GYG1: variants seen among roughly 807,000 people sequenced by gnomAD.
GYG1 encodes the protein glycogenin-1.
GYG1 carries 44 observed loss-of-function variants against 41.9 expected under a neutral mutation model. The ratio of observed to expected loss-of-function variants is 1.05; its 90% CI spans 0.83 to 1.35. The LOEUF is 1.35. GYG1 is among the 40% of genes most tolerant of loss of function. The probability of loss-of-function intolerance (pLI) is 0.00; values close to 1 mark genes in which losing one functional copy is unlikely to be tolerated. For synonymous variants in GYG1, 141 were observed against 158.1 expected (o/e 0.89, Z 0.81); for missense variants, 429 against 418.9 (o/e 1.02, Z -0.21).
In GYG1 at chr3:148,991,667, C is replaced by T. The variant is rs1354341652; in HGVS notation, c.7+20C>T. ...TGACAGGTACCGCCGCGCAGCCCGC[C>T]GCCGCCAGCCCCGGGACCCCGGCTT... On this transcript the variant is annotated intron_variant, in intron 1 of 7. Coordinates refer to ENST00000345003, the MANE Select transcript of GYG1 (RefSeq NM_004130.4). 6 of 1,518,826 alleles carry T rather than the reference C, an allele frequency of 4.0e-6. No individual in the cohort carries two copies. Among genetic ancestry groups the T allele is most frequent in the Non-Finnish European group, 5.3e-6 (6 of 1,138,666 alleles). The allele number at this position is 1,518,826 out of a possible 1,614,324, so 94.1% of individuals were successfully genotyped here. A position where few individuals can be genotyped will look rare whatever the true frequency, so the allele number is the denominator to read the frequency against.
At chr3:148,992,297 C>T (rs1278701480) in intron 1 of GYG1, 2 of 152,984 alleles carry the variant, frequency 1.3e-5, no homozygotes, top group Non-Finnish European at 2.9e-5. Context: ...AGCCCCAGCA[C>T]TGGGAAGCTC....
intron 2 of GYG1, among the ~76,000 whole-genome samples, 195 bp from the exon 3 acceptor site, chr3:148,996,107 C>T (rs1285053807): frequency 2.6e-5 from 4 of 152,122 alleles, no homozygotes; most frequent in South Asian, 2.1e-4. Flanking sequence ...ACTTTAGTGA[C>T]GTTAACTGGA....
Position 149,024,398 on chromosome 3 carries a change from A to G in GYG1, c.828+126A>G. On this transcript the variant is annotated intron_variant, in intron 6 of 7. Transcript: ENST00000345003. ...AGATAAATAAAATTTTGTGGAAAGA[A>G]AACAATAACCATCTTAGGAGAAACA... 3.0e-5 allele frequency: 21 copies of G among 705,486 alleles called. No homozygotes were observed. In the South Asian group the frequency reaches 3.1e-4, roughly 11 times the overall value. The allele number at this position is 705,486 out of a possible 1,614,324, so 43.7% of individuals were successfully genotyped here.
intron 4 of GYG1, among the ~76,000 whole-genome samples, chr3:149,003,435 TC>T: frequency 6.6e-6 from 1 of 152,320 alleles, no homozygotes; most frequent in East Asian, 1.9e-4. Flanking sequence ...ATTTACTTTG[TC>T]CATCTGTCCC....
At chr3:149,010,112 AAGGC>A (rs1205868542) in intron 5 of GYG1, among the ~76,000 whole-genome samples, 1 of 152,168 alleles carries the variant, frequency 6.6e-6, no homozygotes, top group Non-Finnish European at 1.5e-5. Flanking sequence ...GTAAACCAGA[AAGGC>A]AGGGCATATG....
chr3:149,007,881 G>A (rs1428680589), intron 4 of GYG1: 1 of 151,916 alleles, frequency 6.6e-6, no homozygotes, highest in Non-Finnish European at 1.5e-5. Context: ...TTCTGAGTGT[G>A]TTTTCTGAAA....
rs1714834413 is a variant in GYG1 at position 149,029,412 on chromosome 3, T to C, written c.*2479T>C. 6.6e-6 allele frequency among the ~76,000 whole-genome samples: 1 copy of C among 152,196 alleles called. No individual in the cohort carries two copies. Among genetic ancestry groups the C allele is most frequent in the Non-Finnish European group, 1.5e-5 (1 of 68,022 alleles). On this transcript the variant is annotated 3_prime_UTR_variant, in exon 8 of 8. Coordinates refer to ENST00000345003, the MANE Select transcript of GYG1 (RefSeq NM_004130.4). The stretch of plus-strand genomic sequence containing the variant: ...CACAACAGAGGTCAAATCCATGCCT[T>C]TGGAGATTAGCTCCATGGTGGATGG...
chr3:149,026,520 A>G lies in GYG1; in HGVS notation c.879+18A>G, dbSNP rs1299702951. On this transcript the variant is annotated intron_variant, in intron 7 of 7. Coordinates refer to ENST00000345003, the MANE Select transcript of GYG1 (RefSeq NM_004130.4). ...GTAGAAAGGTATGCAGAACTTAAAG[A>G]TTAACCCTAATTACTTTGTTCTCCC... The G allele has an allele frequency of 6.6e-7, 1 of 1,505,244 alleles. No homozygotes were observed. Among genetic ancestry groups the G allele is most frequent in the East Asian group, 2.3e-5 (1 of 44,342 alleles). 93.2% of individuals were successfully genotyped at this position (1,505,244 alleles called of 1,614,324 possible).
chr3:148,994,779 A>C (rs1476711915), intron 2 of GYG1, among the ~76,000 whole-genome samples: 1 of 152,222 alleles, frequency 6.6e-6, no homozygotes, highest in African/African-American at 2.4e-5. Context: ...ATACACTAGA[A>C]TCTTTACCAA....
In GYG1 at chr3:149,028,705, A is replaced by ATT. The variant is rs71617496; in HGVS notation, c.*1794_*1795dup. Among the ~76,000 whole-genome samples the ATT allele has an allele frequency of 1.1e-3, 146 of 133,728 alleles. 1 individual carries two copies. The highest frequency in any genetic ancestry group is 2.7e-3 in the African/African-American group (94 of 34,964). The allele number at this position is 133,728 out of a possible 152,430, so 87.7% of individuals were successfully genotyped here. Reference sequence around the variant, plus strand: ...GGTGGAAAAGCTGACATAGTTTTAAATTTTTTTTTTTTTTTTTTTTTTTCT... The same window carrying ATT: ...GGTGGAAAAGCTGACATAGTTTTAAATTTTTTTTTTTTTTTTTTTTTTTTTCT... On this transcript the variant is annotated 3_prime_UTR_variant, in exon 8 of 8. Coordinates refer to ENST00000345003, the MANE Select transcript of GYG1 (RefSeq NM_004130.4).
At chr3:148,997,344 T>A (rs879396836) in intron 4 of GYG1, among the ~76,000 whole-genome samples, 1 of 152,022 alleles carries the variant, frequency 6.6e-6, no homozygotes, top group Non-Finnish European at 1.5e-5. Flanking sequence ...AATTTGGGTC[T>A]CATTCTCTCA....
chr3:148,992,930 A>G (rs115136143), intron 1 of GYG1, among the ~76,000 whole-genome samples: 4,515 of 151,080 alleles, frequency 0.03, 90 homozygotes, highest in South Asian at 0.07. Context: ...GCAACCCACA[A>G]CTTCCTCTCA....
chr3:149,017,113 CAT>C (rs1306728971), intron 5 of GYG1, among the ~76,000 whole-genome samples: 1 of 152,206 alleles, frequency 6.6e-6, no homozygotes, highest in Non-Finnish European at 1.5e-5. Context: ...GTCTCATCCA[CAT>C]GTTACTGGCT....
At chr3:149,006,230 G>A (rs111387838) in intron 4 of GYG1, among the ~76,000 whole-genome samples, 2,332 of 151,924 alleles carry the variant, frequency 0.015, 72 homozygotes, top group African/African-American at 0.053. Context: ...CTATAGGCGC[G>A]TGCCACCATG....
At position 149,027,797 on chromosome 3, in the gene GYG1, G is replaced by GT. The variant is rs1449347923; in HGVS notation, c.*869dup. 9 of 152,250 alleles carry GT rather than the reference G, an allele frequency of 5.9e-5. No homozygotes were observed. The East Asian group carries it at 7.7e-4, about 13-fold the overall frequency. 9.4% of individuals were successfully genotyped at this position (152,250 alleles called of 1,614,324 possible). The stretch of plus-strand genomic sequence containing the variant: ...TGGTATCTATGATTTCAATCTAATT[G>GT]TTTTTCTGTGATGGTGATGGATCTG... On this transcript the variant is annotated 3_prime_UTR_variant, in exon 8 of 8. Coordinates refer to ENST00000345003, the MANE Select transcript of GYG1 (RefSeq NM_004130.4).
chr3:149,018,059 G>T (rs1714171641), intron 5 of GYG1, among the ~76,000 whole-genome samples: 1 of 152,140 alleles, frequency 6.6e-6, no homozygotes, highest in African/African-American at 2.4e-5. Context: ...TTAAGAAGTA[G>T]TTTCTCCTTT....
intron 5 of GYG1, 121 bp downstream of exon 5, chr3:149,009,523 T>G (rs1420026451): frequency 1.9e-6 from 2 of 1,041,294 alleles, no homozygotes; most frequent in Non-Finnish European, 3.0e-6. Context: ...TTGAGGAAAG[T>G]TTCTCTTGTA....
intron 2 of GYG1, among the ~76,000 whole-genome samples, chr3:148,995,903 A>C (rs571079283): frequency 6.6e-6 from 1 of 152,238 alleles, no homozygotes; most frequent in African/African-American, 2.4e-5. Context: ...CGTGCTCAGC[A>C]TGTAATAAAT....
At chr3:149,013,032 T>TGTGTGTGTGTGTG (rs61477065) in intron 5 of GYG1, among the ~76,000 whole-genome samples, 9 of 150,920 alleles carry the variant, frequency 6.0e-5, no homozygotes, top group South Asian at 2.1e-4. Context: ...TGTGTGTGTG[T>TGTGTGTGTGTGTG]TTTATAGAGA....
Sources: allele counts gnomAD v4.1 joint callset (sites outside exome capture counted in the v4.1 genomes callset), GRCh38; gene constraint gnomAD v4.1.1; transcripts MANE v1.5; gene names NCBI Gene and HGNC (gene_info 2026-07-23, HGNC 2026-07-21).